The following FAM114A1 variants were observed in gnomAD, a reference collection of about 807,000 sequenced individuals.
The protein encoded by FAM114A1 is protein NOXP20.
FAM114A1 carries 62 observed loss-of-function variants against 64.3 expected under a neutral mutation model. The observed-to-expected ratio is 0.96, with a 90% confidence interval of 0.79 to 1.19. FAM114A1 has a LOEUF of 1.19. Among genes scored for constraint, FAM114A1 ranks in the 50% most tolerant of loss-of-function variants. The probability of loss-of-function intolerance (pLI) is 0.00; values close to 1 mark genes in which losing one functional copy is unlikely to be tolerated. For synonymous variants in FAM114A1, 254 were observed against 251.1 expected, an observed-to-expected ratio of 1.01 and a Z score of -0.11; for missense variants, 645 against 676.3, an observed-to-expected ratio of 0.95 and a Z score of 0.51.
At chr4:38,915,893 T>A (rs1294285163) in intron 8 of FAM114A1, among the ~76,000 whole-genome samples, 2 of 152,088 alleles carry the variant, frequency 1.3e-5, no homozygotes, top group Non-Finnish European at 2.9e-5. Flanking sequence ...GTTTTGTGGA[T>A]GTCAGGCTGA....
intron 2 of FAM114A1, among the ~76,000 whole-genome samples, chr4:38,874,648 G>A (rs895959369): frequency 1.3e-5 from 2 of 152,116 alleles, no homozygotes; most frequent in Non-Finnish European, 2.9e-5. Context: ...TTCTTTTGCT[G>A]TGTAGAAGCT....
In FAM114A1 at chr4:38,923,035, G is replaced by A; in HGVS notation, c.1069+142G>A. 5.1e-6 allele frequency: 5 copies of A among 985,986 alleles called. No homozygotes were observed. In the South Asian group the frequency reaches 7.2e-5, roughly 14 times the overall value. 61.1% of individuals were successfully genotyped at this position (985,986 alleles called of 1,614,324 possible). ...CAAAAGACACTGTGCATCTGCTCTT[G>A]TTACAGGAGCTGGTCACATTGATTT... On this transcript the variant is annotated intron_variant, in intron 9 of 14. Coordinates refer to ENST00000358869, the MANE Select transcript of FAM114A1 (RefSeq NM_138389.4).
intron 4 of FAM114A1, among the ~76,000 whole-genome samples, chr4:38,892,837 C>T (rs1434517783): frequency 1.3e-5 from 2 of 152,208 alleles, no homozygotes; most frequent in Admixed American, 1.3e-4. Context: ...CCCAGTGGAC[C>T]ATGACCACAG....
chr4:38,935,593 G>A, intron 12 of FAM114A1, 125 bp from the exon 13 acceptor site: 2 of 603,668 alleles, frequency 3.3e-6, no homozygotes, highest in East Asian at 6.0e-5. Flanking sequence ...TTTCTGTAGA[G>A]CATCTTCAAG....
chr4:38,874,565 A>T (rs969804371), intron 2 of FAM114A1, among the ~76,000 whole-genome samples: 3 of 152,148 alleles, frequency 2.0e-5, no homozygotes, highest in Admixed American at 6.5e-5. Context: ...TCTGGATATT[A>T]GACCTTTGTC....
chr4:38,912,825 C>T (rs534889580), intron 7 of FAM114A1, among the ~76,000 whole-genome samples: 1 of 152,188 alleles, frequency 6.6e-6, no homozygotes, highest in African/African-American at 2.4e-5. Context: ...TTCAGTGTCA[C>T]TTTGTTATTT....
At chr4:38,928,275 G>A (rs1720330136) in intron 9 of FAM114A1, among the ~76,000 whole-genome samples, 1 of 152,132 alleles carries the variant, frequency 6.6e-6, no homozygotes, top group South Asian at 2.1e-4. Flanking sequence ...CATGTAGTCA[G>A]GTGAGATAAA....
chr4:38,894,585 G>A (rs1168614674), intron 4 of FAM114A1, among the ~76,000 whole-genome samples: 3 of 152,304 alleles, frequency 2.0e-5, no homozygotes, highest in South Asian at 4.1e-4. Flanking sequence ...AAATCTGCAC[G>A]TATGCAAAGA....
intron 4 of FAM114A1, among the ~76,000 whole-genome samples, chr4:38,899,025 T>TTTTA (rs780069766): frequency 7.7e-6 from 1 of 130,572 alleles, no homozygotes; most frequent in Admixed American, 8.0e-5. Context: ...CATATATATG[T>TTTTA]TATATATATA....
chr4:38,928,190 T>C lies in FAM114A1; in HGVS notation c.1070-1052T>C, dbSNP rs565954681. ...TGGATGCAGTGTTTCTCACATGGCTTAGTCCCCTCTTCAAGGCTCTGCCTT... is the reference window on the plus strand; with the variant it reads ...TGGATGCAGTGTTTCTCACATGGCTCAGTCCCCTCTTCAAGGCTCTGCCTT... On this transcript the variant is annotated intron_variant, in intron 9 of 14. Transcript: ENST00000358869. 3.9e-5 allele frequency among the ~76,000 whole-genome samples: 6 copies of C among 152,350 alleles called. No individual in the cohort carries two copies. In the South Asian group the frequency reaches 1.2e-3, roughly 32 times the overall value.
At chr4:38,887,589 C>A (rs1715945767) in intron 3 of FAM114A1, among the ~76,000 whole-genome samples, 1 of 152,178 alleles carries the variant, frequency 6.6e-6, no homozygotes, top group Non-Finnish European at 1.5e-5. Context: ...TTCAATTATT[C>A]ATTTTTGATT....
rs146146497 is a variant in FAM114A1, at chr4:38,935,388, G to A, written c.1464-330G>A. Among the ~76,000 whole-genome samples, 33 of 152,116 alleles carry A rather than the reference G, an allele frequency of 2.2e-4. 1 individual carries two copies. Among genetic ancestry groups the A allele is most frequent in the East Asian group, 5.8e-4 (3 of 5,184 alleles). ...ATGACCAAAAAGCTGGAAACCAGCC[G>A]TCTGGCCAGAGTGTATAAGCTCTAC... On this transcript the variant is annotated intron_variant, in intron 12 of 14. Coordinates refer to ENST00000358869, the MANE Select transcript of FAM114A1 (RefSeq NM_138389.4).
At chr4:38,930,328 G>C (rs923980533) in intron 10 of FAM114A1, among the ~76,000 whole-genome samples, 1 of 152,066 alleles carries the variant, frequency 6.6e-6, no homozygotes, top group African/African-American at 2.4e-5. Flanking sequence ...GGTTTACATA[G>C]GTACTCACTT....
chr4:38,904,833 A>G (rs1240306674), intron 4 of FAM114A1, among the ~76,000 whole-genome samples: 1 of 152,270 alleles, frequency 6.6e-6, no homozygotes. Context: ...AAAGAGGATG[A>G]GACAGGTACA....
intron 4 of FAM114A1, among the ~76,000 whole-genome samples, chr4:38,904,118 C>T (rs1337853850): frequency 6.6e-6 from 1 of 152,146 alleles, no homozygotes. Context: ...CGTTTTTCCT[C>T]ATATTACTGC....
chr4:38,896,418 G>C (rs1351703534), intron 4 of FAM114A1, among the ~76,000 whole-genome samples: 1 of 152,226 alleles, frequency 6.6e-6, no homozygotes, highest in East Asian at 1.9e-4. Context: ...AATTGGACAA[G>C]TGTCTTTGTA....
chr4:38,925,143 G>A (rs892808425), intron 9 of FAM114A1, among the ~76,000 whole-genome samples: 3 of 152,132 alleles, frequency 2.0e-5, no homozygotes, highest in Admixed American at 6.5e-5. Flanking sequence ...CCTGAAGTGC[G>A]AACAGCATGC....
At chr4:38,892,092 A>C (rs1286348465) in intron 4 of FAM114A1, among the ~76,000 whole-genome samples, 1 of 152,230 alleles carries the variant, frequency 6.6e-6, no homozygotes, top group African/African-American at 2.4e-5. Context: ...CAAAGTCAGG[A>C]ATGTCTGGGT....
intron 3 of FAM114A1, among the ~76,000 whole-genome samples, chr4:38,885,683 G>A (rs1715728220): frequency 6.6e-6 from 1 of 152,190 alleles, no homozygotes; most frequent in South Asian, 2.1e-4. Context: ...GCAGTTAGGT[G>A]TGGTAATTGG....
Sources: gnomAD v4.1 joint callset for allele counts (sites outside exome capture counted in the v4.1 genomes callset) on GRCh38, gnomAD v4.1.1 for gene constraint, MANE v1.5 for transcripts, NCBI Gene and HGNC (gene_info 2026-07-23, HGNC 2026-07-21) for gene names.